The following TUT4 variants were observed in gnomAD, a reference collection of about 807,000 sequenced individuals.
TUT4 encodes the protein terminal uridylyltransferase 4.
A neutral mutation model predicts 192.2 loss-of-function variants in TUT4; 36 were observed. The ratio of observed to expected loss-of-function variants is 0.19; its 90% CI spans 0.14 to 0.25. TUT4 has a LOEUF of 0.25. Ranked by LOEUF, TUT4 falls within the 10% of genes least tolerant of loss-of-function variation. The pLI, the probability that TUT4 is intolerant of heterozygous loss-of-function variation, is 1.00. For synonymous variants in TUT4, 618 were observed against 666.0 expected (o/e 0.93, Z 1.11); for missense variants, 1,493 against 1,957.2 (o/e 0.76, Z 4.47).
At chr1:52,444,841 C>CTATA (rs1190057884) in intron 24 of TUT4, among the ~76,000 whole-genome samples, 2 of 150,920 alleles carry the variant, frequency 1.3e-5, no homozygotes, top group Admixed American at 6.7e-5. Flanking sequence ...TGCAGACACT[C>CTATA]TATTATGGGA....
At chr1:52,497,509 G>A (rs1557853669) in intron 4 of TUT4, among the ~76,000 whole-genome samples, 2 of 152,190 alleles carry the variant, frequency 1.3e-5, no homozygotes, top group African/African-American at 4.8e-5. Flanking sequence ...GTTGCACCAA[G>A]GCAGATTGTC....
chr1:52,500,755 T>C (rs755116216), intron 4 of TUT4, among the ~76,000 whole-genome samples: 10 of 151,824 alleles, frequency 6.6e-5, no homozygotes, highest in Non-Finnish European at 1.2e-4. Flanking sequence ...AGAATGAAAC[T>C]CTGTCTCAAA....
chr1:52,497,233 TAATTG>T (rs765334829), intron 4 of TUT4, 50 bp from the exon 5 acceptor site: 2 of 1,484,902 alleles, frequency 1.3e-6, no homozygotes, highest in Admixed American at 5.3e-5. Context: ...GTTTCTATTT[TAATTG>T]TTCTTATATT....
At chr1:52,424,609 G>A (rs1215489300) in intron 29 of TUT4, 1 of 152,234 alleles carries the variant, frequency 6.6e-6, no homozygotes, top group Non-Finnish European at 1.5e-5. Flanking sequence ...TACCTCTGAG[G>A]CAAGTAGGTT....
intron 1 of TUT4, among the ~76,000 whole-genome samples, chr1:52,550,815 G>C (rs918875705): frequency 6.6e-6 from 1 of 152,104 alleles, no homozygotes; most frequent in Admixed American, 6.6e-5. Flanking sequence ...GTAAGTGTTG[G>C]TTATTTTGTT....
intron 28 of TUT4, among the ~76,000 whole-genome samples, chr1:52,429,286 C>T (rs1027810056): frequency 6.6e-6 from 1 of 151,480 alleles, no homozygotes; most frequent in African/African-American, 2.4e-5. Context: ...GGGGTTTCAC[C>T]GTGTTAGCCA....
At chr1:52,479,391 G>C (rs545188269) in intron 11 of TUT4, among the ~76,000 whole-genome samples, 2 of 152,306 alleles carry the variant, frequency 1.3e-5, no homozygotes, top group Non-Finnish European at 1.5e-5. Context: ...AAACCTGTTA[G>C]GAGGCTATAG....
chr1:52,432,419 G>C (rs369902998), intron 27 of TUT4: 5 of 152,170 alleles, frequency 3.3e-5, no homozygotes, highest in African/African-American at 1.2e-4. Context: ...AATATTACTG[G>C]AGTATATATA....
chr1:52,508,732 A>G (rs1676308493), intron 4 of TUT4, among the ~76,000 whole-genome samples: 1 of 152,224 alleles, frequency 6.6e-6, no homozygotes, highest in African/African-American at 2.4e-5. Flanking sequence ...AAGAAGATAC[A>G]TGAGCTAAGA....
At chr1:52,508,997 T>C (rs2149298348) in intron 4 of TUT4, among the ~76,000 whole-genome samples, 1 of 152,278 alleles carries the variant, frequency 6.6e-6, no homozygotes, top group South Asian at 2.1e-4. Flanking sequence ...AGACTTAAAG[T>C]TACTCATATG....
intron 1 of TUT4, among the ~76,000 whole-genome samples, chr1:52,539,477 A>T (rs1272231289): frequency 6.6e-6 from 1 of 152,180 alleles, no homozygotes; most frequent in Non-Finnish European, 1.5e-5. Context: ...TAAACTATGG[A>T]TATAATTTCC....
chr1:52,493,109 G>C (rs1313611540), intron 7 of TUT4, among the ~76,000 whole-genome samples: 1 of 152,096 alleles, frequency 6.6e-6, no homozygotes, highest in Admixed American at 6.6e-5. Flanking sequence ...TCCAGACGGA[G>C]TTTCACTTTT....
At chr1:52,429,907 T>A (rs1232739582) in intron 28 of TUT4, among the ~76,000 whole-genome samples, 2 of 152,062 alleles carry the variant, frequency 1.3e-5, no homozygotes, top group Non-Finnish European at 2.9e-5. Flanking sequence ...TATGTTTAAG[T>A]GTGTATAAAT....
chr1:52,474,587 T>A lies in TUT4; in HGVS notation c.2727+245A>T, dbSNP rs74742807. 1.4e-3 allele frequency among the ~76,000 whole-genome samples: 217 copies of A among 152,260 alleles called. 2 individuals carry two copies. In the East Asian group the frequency reaches 0.033, roughly 23 times the overall value. On this transcript the variant is annotated intron_variant, in intron 13 of 29. Transcript: ENST00000257177. Reference sequence around the variant, plus strand: ...AGATTTTCATGAAATATCAGATGAATCCTTTCATATATGAGAAAGTAAAGG... The same window carrying A: ...AGATTTTCATGAAATATCAGATGAAACCTTTCATATATGAGAAAGTAAAGG...
intron 4 of TUT4, among the ~76,000 whole-genome samples, chr1:52,499,647 T>C (rs892241372): frequency 4.0e-5 from 6 of 151,130 alleles, no homozygotes; most frequent in African/African-American, 1.5e-4. Context: ...GAGGTGAGGA[T>C]GGCTTGAGCC....
At chr1:52,451,130 G>A (rs1285378426) in intron 20 of TUT4, among the ~76,000 whole-genome samples, 1 of 152,062 alleles carries the variant, frequency 6.6e-6, no homozygotes, top group Non-Finnish European at 1.5e-5. Flanking sequence ...GCCTGACATG[G>A]TGGTGGGCGC....
intron 29 of TUT4, 194 bp downstream of exon 29, chr1:52,425,155 C>T: frequency 1.9e-6 from 1 of 521,580 alleles, no homozygotes; most frequent in Middle Eastern, 5.6e-4. Flanking sequence ...TCTGGCTTTC[C>T]TAATAAAGTG....
At chr1:52,500,415 C>T (rs1257348398) in intron 4 of TUT4, among the ~76,000 whole-genome samples, 1 of 152,104 alleles carries the variant, frequency 6.6e-6, no homozygotes, top group African/African-American at 2.4e-5. Flanking sequence ...ACTGCTGAAG[C>T]CAAGAAATTT....
chr1:52,425,949 C>T (rs185867053), intron 28 of TUT4, among the ~76,000 whole-genome samples: 133 of 152,164 alleles, frequency 8.7e-4, no homozygotes, highest in African/African-American at 3.1e-3. Context: ...TGGGGAACTG[C>T]ACAACAATCT....
Sources: allele counts gnomAD v4.1 joint callset (sites outside exome capture counted in the v4.1 genomes callset), GRCh38; gene constraint gnomAD v4.1.1; transcripts MANE v1.5; gene names NCBI Gene and HGNC (gene_info 2026-07-23, HGNC 2026-07-21).